The following MARCHF3 variants were observed in gnomAD, a reference collection of about 807,000 sequenced individuals.
MARCHF3 encodes membrane associated ring-CH-type finger 3.
In MARCHF3, 13 loss-of-function variants were observed where a neutral mutation model predicts 24.2. The ratio of observed to expected loss-of-function variants is 0.54; its 90% confidence interval spans 0.35 to 0.85. The LOEUF (loss-of-function observed/expected upper bound fraction) is 0.85, where lower values mean the gene tolerates loss of function less well. Among genes scored for constraint, MARCHF3 ranks in the 40% least tolerant of loss-of-function variants. The pLI, the probability that MARCHF3 is intolerant of heterozygous loss-of-function variation, is 0.01. For missense variants in MARCHF3, 276 were observed against 325.0 expected (o/e 0.85, Z 1.16); for synonymous variants, 144 against 137.3 (o/e 1.05, Z -0.34).
intron 1 of MARCHF3, among the ~76,000 whole-genome samples, chr5:126,955,290 A>G (rs888209527): frequency 1.3e-5 from 2 of 152,254 alleles, no homozygotes; most frequent in African/African-American, 2.4e-5. Flanking sequence ...ATCATGACAA[A>G]AAAAATGCTT....
chr5:126,985,476 T>A (rs995337006), intron 1 of MARCHF3, among the ~76,000 whole-genome samples: 31 of 150,410 alleles, frequency 2.1e-4, no homozygotes, highest in Non-Finnish European at 3.8e-4. Context: ...CTTTTATTTT[T>A]TTTTTTTTTT....
At chr5:126,987,066 T>G (rs1751589609) in intron 1 of MARCHF3, among the ~76,000 whole-genome samples, 1 of 152,228 alleles carries the variant, frequency 6.6e-6, no homozygotes, top group African/African-American at 2.4e-5. Context: ...TCATCTGAAT[T>G]TAAGTCAATC....
chr5:126,975,232 G>T (rs891695151), intron 1 of MARCHF3, among the ~76,000 whole-genome samples: 3 of 152,242 alleles, frequency 2.0e-5, no homozygotes, highest in Non-Finnish European at 2.9e-5. Flanking sequence ...TGGGATTACA[G>T]GTGTGAGCCA....
Position 127,001,117 on chromosome 5 carries a change from A to G in MARCHF3, c.-57+29233T>C, listed in dbSNP as rs183619048. ...GCCGGGCATGCTGACGCACGCCTGT[A>G]GTCCCAGCTACTCGGGAGGCTGAGG... is the stretch of plus-strand genomic sequence containing the variant. On this transcript the variant is annotated intron_variant, in intron 1 of 4. Coordinates refer to ENST00000308660, the MANE Select transcript of MARCHF3 (RefSeq NM_178450.5). Among the ~76,000 whole-genome samples, 396 of 151,616 alleles carry G rather than the reference A, an allele frequency of 2.6e-3. 2 individuals are homozygous for G. Among genetic ancestry groups the G allele is most frequent in the Non-Finnish European group, 2.2e-3 (151 of 67,906 alleles).
intron 1 of MARCHF3, among the ~76,000 whole-genome samples, chr5:126,979,778 G>A (rs1403835106): frequency 1.3e-5 from 2 of 151,872 alleles, no homozygotes; most frequent in Non-Finnish European, 2.9e-5. Context: ...GAGAAACCCT[G>A]TCTCTACTAA....
At chr5:126,919,526 G>A (rs1247823507) in intron 1 of MARCHF3, among the ~76,000 whole-genome samples, 2 of 152,172 alleles carry the variant, frequency 1.3e-5, no homozygotes, top group African/African-American at 4.8e-5. Context: ...GCAAGGGGTT[G>A]TTTTCTCCCA....
chr5:127,018,739 A>G (rs1221726776), intron 1 of MARCHF3, among the ~76,000 whole-genome samples: 1 of 152,238 alleles, frequency 6.6e-6, no homozygotes, highest in African/African-American at 2.4e-5. Flanking sequence ...CAATCACCCA[A>G]TGCCCTGTAA....
chr5:127,024,546 G>T (rs1399069747), intron 1 of MARCHF3, among the ~76,000 whole-genome samples: 2 of 152,170 alleles, frequency 1.3e-5, no homozygotes, highest in African/African-American at 2.4e-5. Flanking sequence ...TCCTGAATTG[G>T]CTAAGTAGAG....
intron 1 of MARCHF3, among the ~76,000 whole-genome samples, chr5:127,003,480 G>A (rs1447278649): frequency 4.0e-5 from 6 of 150,446 alleles, no homozygotes; most frequent in Non-Finnish European, 5.9e-5. Context: ...AGGCCGGCGC[G>A]GTGGCTCACG....
chr5:127,004,831 A>T (rs1752254178), intron 1 of MARCHF3, among the ~76,000 whole-genome samples: 1 of 152,116 alleles, frequency 6.6e-6, no homozygotes, highest in Non-Finnish European at 1.5e-5. Flanking sequence ...GGCATATTAG[A>T]AAAAGCAGAG....
intron 1 of MARCHF3, among the ~76,000 whole-genome samples, chr5:126,969,075 C>T (rs759189580): frequency 2.0e-5 from 3 of 152,092 alleles, no homozygotes; most frequent in Non-Finnish European, 4.4e-5. Flanking sequence ...TTGCCTAATC[C>T]AAGATCATGA....
chr5:126,987,110 T>G (rs1751591547), intron 1 of MARCHF3, among the ~76,000 whole-genome samples: 1 of 152,244 alleles, frequency 6.6e-6, no homozygotes, highest in Non-Finnish European at 1.5e-5. Flanking sequence ...AGGCCTCATC[T>G]AATCAGCTGA....
chr5:126,897,591 A>G (rs1417035778), intron 3 of MARCHF3, among the ~76,000 whole-genome samples: 2 of 152,148 alleles, frequency 1.3e-5, no homozygotes, highest in African/African-American at 4.8e-5. Context: ...TTCAGATAAT[A>G]TAAAAAGTTC....
intron 1 of MARCHF3, among the ~76,000 whole-genome samples, chr5:126,945,265 C>T (rs780249256): frequency 4.7e-4 from 72 of 152,228 alleles, no homozygotes; most frequent in Non-Finnish European, 9.7e-4. Flanking sequence ...CACCCTCCTC[C>T]TTTCCCCCAG....
At chr5:126,982,307 C>T (rs1751420881) in intron 1 of MARCHF3, among the ~76,000 whole-genome samples, 1 of 152,204 alleles carries the variant, frequency 6.6e-6, no homozygotes, top group Admixed American at 6.5e-5. Flanking sequence ...CTTCCCTATA[C>T]CATGTCTGAA....
intron 1 of MARCHF3, among the ~76,000 whole-genome samples, chr5:126,951,238 A>G (rs747678307): frequency 6.6e-6 from 1 of 152,026 alleles, no homozygotes; most frequent in Non-Finnish European, 1.5e-5. Flanking sequence ...TACCTCACTG[A>G]TGCTCTTTAC....
intron 3 of MARCHF3, among the ~76,000 whole-genome samples, chr5:126,878,748 C>T (rs1325633134): frequency 6.6e-6 from 1 of 152,104 alleles, no homozygotes; most frequent in Non-Finnish European, 1.5e-5. Flanking sequence ...GTCATGTGTC[C>T]AAAGCCTTCC....
Position 126,870,054 on chromosome 5 carries a change from A to T in MARCHF3, c.*579T>A, listed in dbSNP as rs147283736. On this transcript the variant is annotated 3_prime_UTR_variant, in exon 5 of 5. Transcript: ENST00000308660. Reference sequence around the variant, plus strand: ...ATAATTAAATGAAGTTTAGTACAAAACATTCTTCAAATATGACTTGTTCTG... The same window carrying T: ...ATAATTAAATGAAGTTTAGTACAAATCATTCTTCAAATATGACTTGTTCTG... 6.6e-6 allele frequency: 1 copy of T among 152,580 alleles called. No homozygotes were observed. The highest frequency in any genetic ancestry group is 2.4e-5 in the African/African-American group (1 of 41,412). 9.5% of individuals were successfully genotyped at this position (152,580 alleles called of 1,614,324 possible). A position where few individuals can be genotyped will look rare whatever the true frequency, so the allele number is the denominator to read the frequency against.
chr5:127,001,889 C>T (rs1308079042), intron 1 of MARCHF3, among the ~76,000 whole-genome samples: 2 of 152,212 alleles, frequency 1.3e-5, no homozygotes, highest in Non-Finnish European at 2.9e-5. Context: ...TTTGTAATGT[C>T]AGTGATCTCA....
Sources: allele counts gnomAD v4.1 joint callset (sites outside exome capture counted in the v4.1 genomes callset), GRCh38; gene constraint gnomAD v4.1.1; transcripts MANE v1.5; gene names NCBI Gene and HGNC (gene_info 2026-07-23, HGNC 2026-07-21).